The following NRXN1 variants were observed in gnomAD, a reference collection of about 807,000 sequenced individuals.
The protein encoded by NRXN1 is neurexin 1, also known as neurexin-1.
NRXN1 carries 39 observed loss-of-function variants against 150.9 expected under a neutral mutation model. The observed-to-expected ratio is 0.26, with a 90% CI of 0.20 to 0.34. The LOEUF (loss-of-function observed/expected upper bound fraction) is 0.34, where lower values mean the gene tolerates loss of function less well. Ranked by LOEUF, NRXN1 falls within the 10% of genes least tolerant of loss-of-function variation. NRXN1 has a pLI of 1.00. For missense variants in NRXN1, 1,815 were observed against 1,949.9 expected, an observed-to-expected ratio of 0.93 and a Z score of 1.30; for synonymous variants, 924 against 757.0, an observed-to-expected ratio of 1.22 and a Z score of -3.62.
intron 21 of NRXN1, chr2:50,019,272 A>G (rs1356999427): frequency 2.1e-6 from 1 of 471,450 alleles, no homozygotes; most frequent in Non-Finnish European, 4.4e-6. Flanking sequence ...TGTTCTCCAT[A>G]AGTTTGAAAG....
intron 5 of NRXN1, chr2:50,898,551 G>C (rs559668846): frequency 2.1e-6 from 1 of 471,170 alleles, no homozygotes; most frequent in East Asian, 6.1e-5. Context: ...TATATCCGTA[G>C]GGAGGTAGAA....
chr2:50,197,748 AT>A (rs2061869912), intron 18 of NRXN1, among the ~76,000 whole-genome samples: 1 of 152,052 alleles, frequency 6.6e-6, no homozygotes, highest in Admixed American at 6.6e-5. Flanking sequence ...TCCAGACACA[AT>A]TCTCCTCTGA....
chr2:50,787,914 T>C (rs537991544), intron 5 of NRXN1, among the ~76,000 whole-genome samples: 2 of 152,150 alleles, frequency 1.3e-5, no homozygotes, highest in South Asian at 2.1e-4. Context: ...TCTCAGCATG[T>C]CATAAGGATT....
intron 17 of NRXN1, among the ~76,000 whole-genome samples, chr2:50,322,429 C>T (rs2076107765): frequency 6.6e-6 from 1 of 152,068 alleles, no homozygotes; most frequent in African/African-American, 2.4e-5. Flanking sequence ...TATCTGATCC[C>T]TAGAAGATAC....
chr2:50,564,807 T>C (rs1669614152), intron 8 of NRXN1, among the ~76,000 whole-genome samples: 1 of 152,202 alleles, frequency 6.6e-6, no homozygotes, highest in African/African-American at 2.4e-5. Context: ...TTTTAATCTA[T>C]TCTTTAATTA....
At chr2:50,633,623 G>A (rs1255195274) in intron 5 of NRXN1, among the ~76,000 whole-genome samples, 1 of 151,724 alleles carries the variant, frequency 6.6e-6, no homozygotes, top group Non-Finnish European at 1.5e-5. Context: ...TTGAATTGTT[G>A]CATACCATTC....
chr2:50,447,545 C>A (rs1464260606), intron 17 of NRXN1, among the ~76,000 whole-genome samples: 1 of 137,212 alleles, frequency 7.3e-6, no homozygotes, highest in African/African-American at 2.7e-5. Flanking sequence ...AAATCAAATT[C>A]ATATATATAT....
intron 15 of NRXN1, among the ~76,000 whole-genome samples, chr2:50,477,874 G>T (rs2090116636): frequency 6.6e-6 from 1 of 152,278 alleles, no homozygotes; most frequent in Non-Finnish European, 1.5e-5. Context: ...ATTTTAAGAA[G>T]ATTGGACCTT....
chr2:50,152,691 A>C (rs577928836), intron 18 of NRXN1, among the ~76,000 whole-genome samples: 20 of 151,910 alleles, frequency 1.3e-4, no homozygotes, highest in Admixed American at 2.0e-4. Context: ...GAGAAATCTT[A>C]GCTAATCTTA....
chr2:50,994,052 G>C (rs530663006), intron 2 of NRXN1, among the ~76,000 whole-genome samples: 76 of 151,994 alleles, frequency 5.0e-4, no homozygotes, highest in African/African-American at 1.7e-3. Flanking sequence ...CTCTGTGCCA[G>C]ACATGGTTCT....
chr2:50,932,172 G>A (rs1687848688), intron 2 of NRXN1, among the ~76,000 whole-genome samples: 1 of 152,046 alleles, frequency 6.6e-6, no homozygotes, highest in Non-Finnish European at 1.5e-5. Context: ...TGGATCACTT[G>A]GTGTCAGGAG....
At chr2:50,541,802 A>T (rs182315130) in intron 9 of NRXN1, among the ~76,000 whole-genome samples, 5 of 152,130 alleles carry the variant, frequency 3.3e-5, no homozygotes, top group African/African-American at 1.2e-4. Context: ...CTCTCTCATC[A>T]TATCATTTTA....
At chr2:50,068,032 C>T (rs572672624) in intron 19 of NRXN1, among the ~76,000 whole-genome samples, 26 of 152,250 alleles carry the variant, frequency 1.7e-4, no homozygotes, top group South Asian at 1.2e-3. Context: ...GTTTCATACA[C>T]AGTCTGATGT....
At chr2:50,002,968 C>G (rs1558670707) in intron 21 of NRXN1, among the ~76,000 whole-genome samples, 1 of 152,078 alleles carries the variant, frequency 6.6e-6, no homozygotes, top group African/African-American at 2.4e-5. Context: ...CTAGGCAACT[C>G]TTAAAAAGCC....
intron 17 of NRXN1, among the ~76,000 whole-genome samples, chr2:50,354,304 C>T (rs756295847): frequency 3.0e-4 from 45 of 151,606 alleles, no homozygotes; most frequent in Non-Finnish European, 5.9e-4. Context: ...TATTTGTTGC[C>T]TTACCAGTGG....
intron 13 of NRXN1, among the ~76,000 whole-genome samples, chr2:50,506,088 G>A (rs1037451195): frequency 3.3e-5 from 5 of 151,954 alleles, no homozygotes; most frequent in Admixed American, 1.3e-4. Flanking sequence ...ATAGATAAAC[G>A]CCAGTATATC....
intron 2 of NRXN1, among the ~76,000 whole-genome samples, chr2:50,973,279 C>T (rs932835747): frequency 6.6e-6 from 1 of 152,148 alleles, no homozygotes; most frequent in Non-Finnish European, 1.5e-5. Flanking sequence ...CTCAAAGACA[C>T]TGGCAAACAC....
chr2:50,441,279 T>C (rs1395756159), intron 17 of NRXN1, among the ~76,000 whole-genome samples: 2 of 152,196 alleles, frequency 1.3e-5, no homozygotes, highest in Non-Finnish European at 2.9e-5. Context: ...ACCTATTTCA[T>C]GGTAAATGGA....
intron 17 of NRXN1, among the ~76,000 whole-genome samples, chr2:50,363,345 G>A (rs570067595): frequency 6.6e-6 from 1 of 152,188 alleles, no homozygotes; most frequent in South Asian, 2.1e-4. Context: ...CTATCCATCT[G>A]GCAAAGGGCT....
Sources: allele counts gnomAD v4.1 joint callset (sites outside exome capture counted in the v4.1 genomes callset), GRCh38; gene constraint gnomAD v4.1.1; transcripts MANE v1.5; gene names NCBI Gene and HGNC (gene_info 2026-07-23, HGNC 2026-07-21).